PEX14: variants seen among roughly 807,000 people sequenced by gnomAD.
PEX14 encodes peroxisomal membrane protein PEX14.
A neutral mutation model predicts 49.5 loss-of-function variants in PEX14; 15 were observed. That is an observed-to-expected ratio of 0.30 (90% CI 0.20 to 0.47). PEX14 has a LOEUF of 0.47. PEX14 is among the 20% of genes least tolerant of loss of function. PEX14 has a pLI of 1.00. For missense variants in PEX14, 398 were observed against 494.8 expected (o/e 0.80, Z 1.86); for synonymous variants, 210 against 212.7 (o/e 0.99, Z 0.11).
intron 4 of PEX14, among the ~76,000 whole-genome samples, chr1:10,600,762 A>T (rs1276039420): frequency 6.6e-6 from 1 of 152,176 alleles, no homozygotes; most frequent in African/African-American, 2.4e-5. Context: ...TGGATCTGTG[A>T]TCTCTCAAAA....
At chr1:10,551,028 G>A (rs1037573455) in intron 3 of PEX14, among the ~76,000 whole-genome samples, 1 of 152,134 alleles carries the variant, frequency 6.6e-6, no homozygotes, top group Non-Finnish European at 1.5e-5. Context: ...AGTAAATGCC[G>A]TTGACTTTGT....
chr1:10,594,334 G>A (rs1231824470), intron 3 of PEX14, among the ~76,000 whole-genome samples: 2 of 152,038 alleles, frequency 1.3e-5, no homozygotes, highest in African/African-American at 4.8e-5. Flanking sequence ...TTCTGAGAGA[G>A]GTGACCCCCT....
At position 10,623,007 on chromosome 1, in the gene PEX14, C is replaced by G. The variant is rs755468161; in HGVS notation, c.385-12C>G. On this transcript the variant is annotated splice_polypyrimidine_tract_variant and intron_variant, in intron 5 of 8. Transcript: ENST00000356607. The surrounding 1 kb of genome is among the most constrained non-coding windows in gnomAD (Gnocchi z 4.4). ...TCCGTATGCATTCCTCACCCTGTCCCGCTTCTTGCAGAAATACCTGCTCCC... is the reference window on the plus strand; with the variant it reads ...TCCGTATGCATTCCTCACCCTGTCCGGCTTCTTGCAGAAATACCTGCTCCC... 3 of 1,596,136 alleles carry G rather than the reference C, an allele frequency of 1.9e-6. No individual in the cohort carries two copies. Among genetic ancestry groups the G allele is most frequent in the South Asian group, 1.1e-5 (1 of 89,780 alleles).
At chr1:10,606,459 G>C (rs950600360) in intron 4 of PEX14, among the ~76,000 whole-genome samples, 1 of 152,158 alleles carries the variant, frequency 6.6e-6, no homozygotes, top group Non-Finnish European at 1.5e-5. Flanking sequence ...TCCTGATCTC[G>C]TCAGCACATG....
intron 5 of PEX14, among the ~76,000 whole-genome samples, chr1:10,619,108 T>G (rs1641520013): frequency 6.6e-6 from 1 of 152,140 alleles, no homozygotes; most frequent in Non-Finnish European, 1.5e-5. Context: ...AAGTCAACTT[T>G]CAGGATCCCA....
intron 3 of PEX14, among the ~76,000 whole-genome samples, chr1:10,554,394 G>T (rs1639426950): frequency 6.6e-6 from 1 of 151,892 alleles, no homozygotes; most frequent in Admixed American, 6.6e-5. Flanking sequence ...ACTCCAAAAT[G>T]ATCAGGACAT....
At chr1:10,476,300 A>C (rs1641193328) in intron 1 of PEX14, among the ~76,000 whole-genome samples, 1 of 152,214 alleles carries the variant, frequency 6.6e-6, no homozygotes, top group Non-Finnish European at 1.5e-5. Flanking sequence ...AAAACATGGG[A>C]GATAACAAGG....
chr1:10,570,454 TC>T (rs1486572157), intron 3 of PEX14, among the ~76,000 whole-genome samples: 6 of 152,046 alleles, frequency 3.9e-5, no homozygotes, highest in African/African-American at 1.4e-4. Context: ...TGCCTCAGCC[TC>T]CTGAGTAGCT....
At chr1:10,501,290 GTTTATT>G (rs56216324) in intron 2 of PEX14, among the ~76,000 whole-genome samples, 46 of 149,512 alleles carry the variant, frequency 3.1e-4, no homozygotes, top group African/African-American at 9.9e-4. Context: ...CGCCCTATCA[GTTTATT>G]TTTATTTTTA....
chr1:10,505,759 C>T (rs953281898), intron 2 of PEX14, among the ~76,000 whole-genome samples: 6 of 151,414 alleles, frequency 4.0e-5, no homozygotes, highest in African/African-American at 1.5e-4. Context: ...TGGTTCACTA[C>T]AACCTCCGCC....
At chr1:10,618,490 C>G (rs576845689) in intron 5 of PEX14, 73 bp downstream of exon 5, 1 of 1,149,340 alleles carries the variant, frequency 8.7e-7, no homozygotes, top group East Asian at 2.4e-5. Context: ...TTCACTGGTT[C>G]CCCTGCATGG....
intron 2 of PEX14, among the ~76,000 whole-genome samples, chr1:10,530,686 C>G (rs1638624781): frequency 6.6e-6 from 1 of 152,192 alleles, no homozygotes; most frequent in Non-Finnish European, 1.5e-5. Context: ...GCTATTGGGC[C>G]CTTGGCGTCC....
intron 4 of PEX14, among the ~76,000 whole-genome samples, chr1:10,612,209 G>C (rs1321904158): frequency 6.6e-6 from 1 of 151,842 alleles, no homozygotes; most frequent in Non-Finnish European, 1.5e-5. Flanking sequence ...TTTTCCTATG[G>C]ATATCCAGTT....
chr1:10,566,893 G>A (rs760025694), intron 3 of PEX14, among the ~76,000 whole-genome samples: 1 of 151,930 alleles, frequency 6.6e-6, no homozygotes, highest in African/African-American at 2.4e-5. Context: ...AGAGTATAAG[G>A]ATTCAAGTTC....
At chr1:10,577,157 C>G (rs1007364714) in intron 3 of PEX14, among the ~76,000 whole-genome samples, 57 of 143,726 alleles carry the variant, frequency 4.0e-4, no homozygotes, top group African/African-American at 1.4e-3. Context: ...CCTGTAATGC[C>G]AGCATTTTGG....
intron 3 of PEX14, among the ~76,000 whole-genome samples, chr1:10,570,964 T>C (rs1639957406): frequency 6.7e-6 from 1 of 149,116 alleles, no homozygotes; most frequent in Admixed American, 6.8e-5. Flanking sequence ...TCCTCTCACC[T>C]TAGCCTCCCA....
intron 3 of PEX14, among the ~76,000 whole-genome samples, chr1:10,587,843 G>A (rs971363146): frequency 6.1e-5 from 9 of 147,842 alleles, no homozygotes; most frequent in East Asian, 2.0e-4. Context: ...CATGTATAGC[G>A]TGCTATCATT....
At chr1:10,603,821 A>G (rs114313093) in intron 4 of PEX14, among the ~76,000 whole-genome samples, 3 of 152,310 alleles carry the variant, frequency 2.0e-5, no homozygotes, top group East Asian at 3.9e-4. Context: ...TTTTCCCTCC[A>G]CTGTCTTTGA....
intron 3 of PEX14, among the ~76,000 whole-genome samples, chr1:10,589,802 G>C (rs1453448885): frequency 6.6e-6 from 1 of 152,182 alleles, no homozygotes; most frequent in Non-Finnish European, 1.5e-5. Flanking sequence ...AAACTCTTGC[G>C]ATAGAGTGCT....
Sources: allele counts gnomAD v4.1 joint callset (sites outside exome capture counted in the v4.1 genomes callset), GRCh38; gene constraint gnomAD v4.1.1; non-coding constraint Gnocchi (gnomAD v3.1); transcripts MANE v1.5; gene names NCBI Gene and HGNC (gene_info 2026-07-23, HGNC 2026-07-21).